Variants in NOS1 observed in about 807,000 individuals in gnomAD.
NOS1 encodes the protein NOS type I.
Under a neutral mutation model 164.5 loss-of-function variants are expected in NOS1, and 51 were observed. The ratio of observed to expected loss-of-function variants is 0.31; its 90% CI spans 0.25 to 0.39. NOS1 has a LOEUF of 0.39. Ranked by LOEUF, NOS1 falls within the 10% of genes least tolerant of loss-of-function variation. NOS1 has a pLI of 1.00. For missense variants in NOS1, 1,362 were observed against 1,885.6 expected, an observed-to-expected ratio of 0.72 and a Z score of 5.14; for synonymous variants, 719 against 745.8, an observed-to-expected ratio of 0.96 and a Z score of 0.59.
In NOS1 at chr12:117,209,637, G is replaced by C. The variant is rs893486264; in HGVS notation, c.*5672C>G. On this transcript the variant is annotated 3_prime_UTR_variant, in exon 29 of 29. Coordinates refer to ENST00000317775, the MANE Select transcript of NOS1 (RefSeq NM_000620.5). ...AACAAACTCATATAAACATACTAAG[G>C]CATATTGACAGCTGACCACCTCCCT... is the stretch of plus-strand genomic sequence containing the variant. The C allele has an allele frequency of 2.0e-6, 2 of 985,318 alleles. No individual in the cohort carries two copies. Among genetic ancestry groups the C allele is most frequent in the African/African-American group, 3.5e-5 (2 of 57,232 alleles). The allele number at this position is 985,318 out of a possible 1,614,324, so 61.0% of individuals were successfully genotyped here.
In NOS1 at chr12:117,290,334, C is replaced by A. The variant is rs543293957; in HGVS notation, c.945G>T (p.Val315=). The change falls in exon 4 of 29, where the codon GTG becomes GTT. Residue 315 remains valine (V), a synonymous_variant. Coordinates refer to ENST00000317775, the MANE Select transcript of NOS1 (RefSeq NM_000620.5). ...TAAGGTGGAGGGTGTCAGTGAGAAC[C>A]ACCTCAGTCTCCCAGTTCTTGACCT... ...FLKVKNWETE[V]VLTDTLHLKS... The A allele has an allele frequency of 6.2e-7, 1 of 1,614,116 alleles. No individual in the cohort carries two copies. Among genetic ancestry groups the A allele is most frequent in the South Asian group, 1.1e-5 (1 of 91,052 alleles).
chr12:117,269,486 T>TTTA (rs58655168), intron 10 of NOS1, among the ~76,000 whole-genome samples: 5 of 147,606 alleles, frequency 3.4e-5, no homozygotes, highest in African/African-American at 1.2e-4. Flanking sequence ...TTTTTTTTTT[T>TTTA]AGACAGAGTC....
intron 10 of NOS1, among the ~76,000 whole-genome samples, chr12:117,269,804 A>G (rs761689351): frequency 1.3e-5 from 2 of 152,186 alleles, no homozygotes; most frequent in Non-Finnish European, 2.9e-5. Flanking sequence ...CTGTGAGTGC[A>G]TCATCTGCTT....
At chr12:117,274,201 T>C (rs1341940018) in intron 9 of NOS1, among the ~76,000 whole-genome samples, 2 of 151,902 alleles carry the variant, frequency 1.3e-5, no homozygotes, top group African/African-American at 4.8e-5. Flanking sequence ...AACCAACAAA[T>C]ACAGGAAGAA....
rs1956514623 is a variant in NOS1, at chr12:117,210,765, A to G, written c.*4544T>C. On this transcript the variant is annotated 3_prime_UTR_variant, in exon 29 of 29. Transcript: ENST00000317775. Reference sequence around the variant, plus strand: ...TTTGGTCAGAAGATTCTGTGTTCTTAGCCAATGTCTACTGGCTGGGGGTCA... The same window carrying G: ...TTTGGTCAGAAGATTCTGTGTTCTTGGCCAATGTCTACTGGCTGGGGGTCA... 1.0e-6 allele frequency: 1 copy of G among 985,264 alleles called. No homozygotes were observed. Among genetic ancestry groups the G allele is most frequent in the African/African-American group, 1.7e-5 (1 of 57,192 alleles). 61.0% of individuals were successfully genotyped at this position (985,264 alleles called of 1,614,324 possible). A position where few individuals can be genotyped will look rare whatever the true frequency, so the allele number is the denominator to read the frequency against.
chr12:117,211,193 A>T lies in NOS1; in HGVS notation c.*4116T>A. 4 of 943,468 alleles carry T rather than the reference A, an allele frequency of 4.2e-6. No homozygotes were observed. The highest frequency in any genetic ancestry group is 5.1e-6 in the Non-Finnish European group (4 of 791,762). 58.4% of individuals were successfully genotyped at this position (943,468 alleles called of 1,614,324 possible). ...GACTGGTCTCCAACTCCTGACCTCAACTGATACACCCACCTCGGCCTCCCA... is the reference window on the plus strand; with the variant it reads ...GACTGGTCTCCAACTCCTGACCTCATCTGATACACCCACCTCGGCCTCCCA... On this transcript the variant is annotated 3_prime_UTR_variant, in exon 29 of 29. Transcript: ENST00000317775.
chr12:117,296,491 G>A (rs1873424058), intron 3 of NOS1, among the ~76,000 whole-genome samples: 2 of 152,154 alleles, frequency 1.3e-5, no homozygotes, highest in South Asian at 4.1e-4. Flanking sequence ...CTTAGCCTCT[G>A]AGCCTACATC....
At position 117,210,141 on chromosome 12, in the gene NOS1, T is replaced by TA; in HGVS notation, c.*5167_*5168insT. 7.6e-6 allele frequency: 1 copy of TA among 131,952 alleles called. No homozygotes were observed. The highest frequency in any genetic ancestry group is 9.2e-6 in the Non-Finnish European group (1 of 108,362). The allele number at this position is 131,952 out of a possible 1,614,324, so 8.2% of individuals were successfully genotyped here. A position where few individuals can be genotyped will look rare whatever the true frequency, so the allele number is the denominator to read the frequency against. On this transcript the variant is annotated 3_prime_UTR_variant, in exon 29 of 29. Coordinates refer to ENST00000317775, the MANE Select transcript of NOS1 (RefSeq NM_000620.5). ...GAGCATGCCATCATGCCCAGCTAATTTTTTTTTTTTTTTTTTTTTAGTAGA... is the reference window on the plus strand; with the variant it reads ...GAGCATGCCATCATGCCCAGCTAATTATTTTTTTTTTTTTTTTTTTAGTAGA...
chr12:117,326,385 CA>C (rs746345561), intron 2 of NOS1, among the ~76,000 whole-genome samples: 74 of 25,906 alleles, frequency 2.9e-3, no homozygotes, highest in Admixed American at 0.013. Context: ...GACTCTGTCT[CA>C]AAAAAAAAAA....
chr12:117,249,583 AG>A (rs1468884762), intron 17 of NOS1, among the ~76,000 whole-genome samples: 1 of 152,212 alleles, frequency 6.6e-6, no homozygotes, highest in Admixed American at 6.5e-5. Flanking sequence ...CACATCAAAC[AG>A]GTTCTTCTAA....
chr12:117,265,819 C>A (rs1271145412), intron 11 of NOS1, among the ~76,000 whole-genome samples: 1 of 151,652 alleles, frequency 6.6e-6, no homozygotes, highest in Non-Finnish European at 1.5e-5. Flanking sequence ...GAGACGGAGT[C>A]TTGCTCTATC....
chr12:117,336,922 G>T, intron 1 of NOS1, among the ~76,000 whole-genome samples: 1 of 151,706 alleles, frequency 6.6e-6, no homozygotes, highest in Non-Finnish European at 1.5e-5. Context: ...TCAGCCCCCT[G>T]AGTAGCTGGG....
chr12:117,223,016 CAT>C lies in NOS1; in HGVS notation c.3827-155_3827-154del, dbSNP rs9658521. Among the ~76,000 whole-genome samples the C allele has an allele frequency of 7.6e-3, 1,164 of 152,300 alleles. 14 individuals carry two copies. The highest frequency in any genetic ancestry group is 0.026 in the African/African-American group (1,099 of 41,560). Reference sequence around the variant, plus strand: ...ACAGGCAGATGTATGCGTGCACACACATGTACACAGGTGCTCACATGCACGCA... The same window carrying C: ...ACAGGCAGATGTATGCGTGCACACACGTACACAGGTGCTCACATGCACGCA... On this transcript the variant is annotated intron_variant, in intron 25 of 28. Transcript: ENST00000317775.
rs746192504 is a variant in NOS1 at position 117,260,584 on chromosome 12, T to G, written c.2248A>C (p.Met750Leu). ...AEAVKFSAKLMGQAMAKRVKA... is the reference protein window; with the variant it reads ...AEAVKFSAKLLGQAMAKRVKA... The stretch of plus-strand genomic sequence containing the variant: ...ACCCTCTTGGCCATAGCCTGCCCCA[T>G]CAGCTTGGCCGAGAACTTGACAGCT... Residue 750 changes from methionine to leucine, a missense_variant, in exon 14 of 29, where the codon ATG becomes CTG. Met to Leu is a conservative substitution (Grantham distance 15). Around this residue, in one of 4 missense-constraint regions of NOS1, gnomAD observed 737 missense variants for 1,030.3 expected, o/e 0.72. Transcript: ENST00000317775. 6.2e-7 allele frequency: 1 copy of G among 1,613,858 alleles called. No individual in the cohort carries two copies. The highest frequency in any genetic ancestry group is 8.5e-7 in the Non-Finnish European group (1 of 1,179,894).
chr12:117,325,602 C>T (rs1260247165), intron 2 of NOS1, among the ~76,000 whole-genome samples: 1 of 152,208 alleles, frequency 6.6e-6, no homozygotes, highest in East Asian at 1.9e-4. Context: ...GAGATCCCAA[C>T]TCTCTCTTGT....
intron 20 of NOS1, among the ~76,000 whole-genome samples, chr12:117,239,711 C>CT (rs57331249): frequency 0.079 from 11,413 of 145,212 alleles, 715 homozygotes; most frequent in African/African-American, 0.17. Flanking sequence ...TTTTCTTCTT[C>CT]TTTTTTTTTT....
At chr12:117,246,515 C>T (rs1870626804) in intron 18 of NOS1, among the ~76,000 whole-genome samples, 1 of 152,150 alleles carries the variant, frequency 6.6e-6, no homozygotes, top group Non-Finnish European at 1.5e-5. Context: ...ATGCACAATC[C>T]TGTGGCATGT....
At chr12:117,261,688 C>T (rs1250047155) in intron 13 of NOS1, among the ~76,000 whole-genome samples, 2 of 152,188 alleles carry the variant, frequency 1.3e-5, no homozygotes, top group Admixed American at 6.5e-5. Flanking sequence ...CATAGTGGCT[C>T]ATGCCTGTGA....
intron 1 of NOS1, among the ~76,000 whole-genome samples, chr12:117,333,863 C>T (rs1352023339): frequency 6.6e-6 from 1 of 152,156 alleles, no homozygotes; most frequent in African/African-American, 2.4e-5. Flanking sequence ...TCCCCAAGCC[C>T]CATGTCCTGC....
Sources: allele counts gnomAD v4.1 joint callset (sites outside exome capture counted in the v4.1 genomes callset), GRCh38; gene constraint gnomAD v4.1.1; regional missense constraint gnomAD v4.1.1; transcripts MANE v1.5; gene names NCBI Gene and HGNC (gene_info 2026-07-23, HGNC 2026-07-21).